SLC22A23: variants seen among roughly 807,000 people sequenced by gnomAD.
SLC22A23 encodes solute carrier family 22 member 23, also known as ion transporter protein.
In SLC22A23, 26 loss-of-function variants were observed where a neutral mutation model predicts 61.0. The ratio of observed to expected loss-of-function variants is 0.43; its 90% CI spans 0.31 to 0.59. SLC22A23 has a LOEUF of 0.59. SLC22A23 is among the 20% of genes least tolerant of loss of function. The pLI is 0.11. For synonymous variants in SLC22A23, 430 were observed against 413.9 expected (o/e 1.04, Z -0.47); for missense variants, 796 against 934.7 (o/e 0.85, Z 1.94).
rs1417825228 is a variant in SLC22A23 at position 3,318,083 on chromosome 6, C to T, written c.1082+5751G>A. 6.6e-6 allele frequency among the ~76,000 whole-genome samples: 1 copy of T among 152,212 alleles called. No individual in the cohort carries two copies. Among genetic ancestry groups the T allele is most frequent in the East Asian group, 1.9e-4 (1 of 5,198 alleles). On this transcript the variant is annotated intron_variant, in intron 4 of 9. Coordinates refer to ENST00000406686, the MANE Select transcript of SLC22A23 (RefSeq NM_015482.2). This position sits in a 1 kb window ranked among gnomAD's most constrained non-coding sequence, Gnocchi z 4.3. ...CAAGTCCCTGTCCAGTCTCTGGGTG[C>T]ATCATGCTGCTGCCACCTTTTCCTG...
chr6:3,455,351 A>G (rs542750394), intron 1 of SLC22A23, among the ~76,000 whole-genome samples: 19 of 152,210 alleles, frequency 1.2e-4, no homozygotes, highest in Non-Finnish European at 1.2e-4. Context: ...CTGAGAAAAC[A>G]TGGGAGGAGA....
intron 9 of SLC22A23, among the ~76,000 whole-genome samples, chr6:3,275,275 T>C (rs1412514461): frequency 6.6e-6 from 1 of 152,180 alleles, no homozygotes; most frequent in African/African-American, 2.4e-5. Flanking sequence ...TGCAAAAGAA[T>C]GATGTTGGAC....
In SLC22A23 at chr6:3,297,977, CAGG is replaced by C; in HGVS notation, c.1210+111_1210+113del. ...TGCCCTTGTGCAGGCCAAAAGGTCA[CAGG>C]AGAATTGCACAGCTGGTTAAAACAG... On this transcript the variant is annotated intron_variant, in intron 5 of 9. Transcript: ENST00000406686. The surrounding 1 kb of genome is among the most constrained non-coding windows in gnomAD (Gnocchi z 4.3). 1.6e-6 allele frequency: 2 copies of C among 1,289,270 alleles called. No homozygotes were observed. Among genetic ancestry groups the C allele is most frequent in the Middle Eastern group, 2.6e-4 (1 of 3,784 alleles). The allele number at this position is 1,289,270 out of a possible 1,614,324, so 79.9% of individuals were successfully genotyped here. A position where few individuals can be genotyped will look rare whatever the true frequency, so the allele number is the denominator to read the frequency against.
chr6:3,371,484 C>A (rs527577147), intron 3 of SLC22A23, among the ~76,000 whole-genome samples: 6 of 152,084 alleles, frequency 3.9e-5, no homozygotes, highest in Non-Finnish European at 7.4e-5. Flanking sequence ...AGCTTGCAGG[C>A]GGCTATGAAA....
chr6:3,301,847 T>C (rs1331972413), intron 4 of SLC22A23, among the ~76,000 whole-genome samples: 1 of 152,270 alleles, frequency 6.6e-6, no homozygotes, highest in Non-Finnish European at 1.5e-5. Context: ...ATACACAGTT[T>C]TGAAGCCAGG....
intron 3 of SLC22A23, among the ~76,000 whole-genome samples, chr6:3,395,581 G>A (rs981097644): frequency 2.0e-5 from 3 of 152,140 alleles, no homozygotes; most frequent in African/African-American, 4.8e-5. Flanking sequence ...ATAGAGTAGC[G>A]CAGCCATCAG....
At chr6:3,402,361 C>T (rs1768451242) in intron 3 of SLC22A23, among the ~76,000 whole-genome samples, 1 of 95,726 alleles carries the variant, frequency 1.0e-5, no homozygotes, top group African/African-American at 4.6e-5. Flanking sequence ...GAGGATAGGT[C>T]TGTGTGTGTT....
At chr6:3,299,998 CTTTTTTTTTTTTTTT>C (rs869114176) in intron 4 of SLC22A23, among the ~76,000 whole-genome samples, 15 of 78,804 alleles carry the variant, frequency 1.9e-4, no homozygotes, top group East Asian at 1.7e-3. Context: ...TCAGGATAGA[CTTTTTTTTTTTTTTT>C]TTTTTTTTTT....
chr6:3,269,236 C>T lies in SLC22A23; in HGVS notation c.*3819G>A, dbSNP rs1758319114. The T allele has an allele frequency of 6.6e-6, 1 of 152,346 alleles. No homozygotes were observed. The highest frequency in any genetic ancestry group is 2.4e-5 in the African/African-American group (1 of 41,464). The allele number at this position is 152,346 out of a possible 1,614,324, so 9.4% of individuals were successfully genotyped here. On this transcript the variant is annotated 3_prime_UTR_variant, in exon 10 of 10. Coordinates refer to ENST00000406686, the MANE Select transcript of SLC22A23 (RefSeq NM_015482.2). ...GTAAACAGTGTGTGTTTAATCCAGC[C>T]TCTGCCTCTGACTACCTTTAAGACC...
At chr6:3,319,749 A>T (rs557399396) in intron 4 of SLC22A23, among the ~76,000 whole-genome samples, 3 of 151,974 alleles carry the variant, frequency 2.0e-5, no homozygotes, top group Non-Finnish European at 4.4e-5. Context: ...CTTTAAAGAG[A>T]ATTTTCTTCC....
chr6:3,273,346 C>T lies in SLC22A23; in HGVS notation c.1770G>A (p.Glu590=). 5 of 1,613,932 alleles carry T rather than the reference C, an allele frequency of 3.1e-6. No homozygotes were observed. The highest frequency in any genetic ancestry group is 4.2e-6 in the Non-Finnish European group (5 of 1,179,992). ...GFGMLTAPII[E]LHNQKGYFLH... ...GGAAGTAGCCTTTCTGGTTGTGCAG[C>T]TCGATGATGGGTGCCGTCAGCATGC... The change falls in exon 10 of 10, where the codon GAG becomes GAA. Residue 590 remains glutamate, a synonymous_variant. Coordinates refer to ENST00000406686, the MANE Select transcript of SLC22A23 (RefSeq NM_015482.2).
intron 9 of SLC22A23, among the ~76,000 whole-genome samples, chr6:3,277,554 A>G (rs1047111344): frequency 6.6e-6 from 1 of 152,086 alleles, no homozygotes; most frequent in Non-Finnish European, 1.5e-5. Context: ...TCTCTTGGGC[A>G]CTTCCCCTGC....
At chr6:3,366,354 A>AAAAAG (rs1765830673) in intron 3 of SLC22A23, among the ~76,000 whole-genome samples, 13 of 78,484 alleles carry the variant, frequency 1.7e-4, no homozygotes, top group African/African-American at 4.8e-4. Flanking sequence ...AAAAAAAAAA[A>AAAAAG]AAAGAAAGAA....
rs1459050599 is a variant in SLC22A23, at chr6:3,441,317, G to A, written c.654+14589C>T. On this transcript the variant is annotated intron_variant, in intron 1 of 9. Coordinates refer to ENST00000406686, the MANE Select transcript of SLC22A23 (RefSeq NM_015482.2). ...CTCTCCCATCAAGTCCTAAAATCTC[G>A]TTCTTCCATCATTTCCTTACTTACA... 8.5e-5 allele frequency among the ~76,000 whole-genome samples: 13 copies of A among 152,102 alleles called. No homozygotes were observed. The South Asian group carries it at 2.1e-3, about 24-fold the overall frequency.
At chr6:3,442,813 A>AT (rs1330941515) in intron 1 of SLC22A23, among the ~76,000 whole-genome samples, 1 of 146,322 alleles carries the variant, frequency 6.8e-6, no homozygotes, top group Non-Finnish European at 1.5e-5. Context: ...TCCCCACTTT[A>AT]TTTAAAAAAA....
chr6:3,455,982 T>C lies in SLC22A23; in HGVS notation c.578A>G (p.Asp193Gly). 1 of 1,546,378 alleles carries C rather than the reference T, an allele frequency of 6.5e-7. No individual in the cohort carries two copies. The change falls in exon 1 of 10, where the codon GAC becomes GGC. Residue 193 changes from aspartate (D) to glycine (G), a missense_variant. By Grantham distance (94) the Asp-to-Gly change is moderately conservative. Transcript: ENST00000406686. The part of the protein sequence containing the change: ...PPLPSPPDKG[D>G]NASNCDCRAW... ...GCGGCAGTCACAGTTGGAGGCGTTG[T>C]CCCCCTTGTCCGGAGGGGATGGCAG...
At chr6:3,288,128 C>T (rs564889545) in intron 6 of SLC22A23, among the ~76,000 whole-genome samples, 63 of 152,204 alleles carry the variant, frequency 4.1e-4, no homozygotes, top group Non-Finnish European at 7.6e-4. Context: ...CACCCTCCCA[C>T]GGAGGCTGCT....
chr6:3,287,205 G>A (rs1760099973), intron 6 of SLC22A23, 114 bp from the exon 7 acceptor site: 1 of 945,882 alleles, frequency 1.1e-6, no homozygotes. Flanking sequence ...AACTCAATGT[G>A]TCATAGAAAA....
In SLC22A23 at chr6:3,304,603, G is replaced by A. The variant is rs147348964; in HGVS notation, c.1083-6385C>T. 1.9e-4 allele frequency among the ~76,000 whole-genome samples: 28 copies of A among 149,874 alleles called. No homozygotes were observed. The highest frequency in any genetic ancestry group is 6.9e-3 in the Middle Eastern group (2 of 290). On this transcript the variant is annotated intron_variant, in intron 4 of 9. Coordinates refer to ENST00000406686, the MANE Select transcript of SLC22A23 (RefSeq NM_015482.2). The surrounding 1 kb of genome is among the most constrained non-coding windows in gnomAD (Gnocchi z 4.3). ...GTCACTACTCACTCAAATCCACTGA[G>A]CGAGTTGGATAGAAGCCCGCATGGC... is the stretch of plus-strand genomic sequence containing the variant.
Sources: gnomAD v4.1 joint callset for allele counts (sites outside exome capture counted in the v4.1 genomes callset) on GRCh38, gnomAD v4.1.1 for gene constraint, Gnocchi (gnomAD v3.1) non-coding constraint, MANE v1.5 for transcripts, NCBI Gene and HGNC (gene_info 2026-07-23, HGNC 2026-07-21) for gene names.